FOXJ3: variants seen among roughly 807,000 people sequenced by gnomAD.
The protein encoded by FOXJ3 is forkhead box J3.
A neutral mutation model predicts 76.1 loss-of-function variants in FOXJ3; 22 were observed. The ratio of observed to expected loss-of-function variants is 0.29; its 90% confidence interval spans 0.21 to 0.41. FOXJ3 has a LOEUF of 0.41. Among genes scored for constraint, FOXJ3 ranks in the 10% least tolerant of loss-of-function variants. The probability of loss-of-function intolerance (pLI) is 1.00; values close to 1 mark genes in which losing one functional copy is unlikely to be tolerated. For synonymous variants in FOXJ3, 269 were observed against 261.2 expected (o/e 1.03, Z -0.29); for missense variants, 613 against 762.1 (o/e 0.80, Z 2.30).
intron 1 of FOXJ3, among the ~76,000 whole-genome samples, chr1:42,318,036 A>G (rs1655224663): frequency 6.6e-6 from 1 of 152,212 alleles, no homozygotes; most frequent in South Asian, 2.1e-4. Context: ...TGAATAAACC[A>G]GATTCTTCAA....
At chr1:42,186,576 T>G (rs1302541806) in intron 11 of FOXJ3, among the ~76,000 whole-genome samples, 1 of 151,806 alleles carries the variant, frequency 6.6e-6, no homozygotes, top group Non-Finnish European at 1.5e-5. Context: ...ATAACCAAGG[T>G]CAAGGCTCAA....
intron 5 of FOXJ3, among the ~76,000 whole-genome samples, chr1:42,224,042 A>G (rs925257051): frequency 6.6e-6 from 1 of 152,276 alleles, no homozygotes; most frequent in Admixed American, 6.5e-5. Flanking sequence ...TTTGACACAT[A>G]AATTCAGCAT....
intron 4 of FOXJ3, among the ~76,000 whole-genome samples, chr1:42,254,408 G>A (rs1378956706): frequency 2.3e-4 from 34 of 146,420 alleles, no homozygotes; most frequent in African/African-American, 6.6e-4. Flanking sequence ...TCAGTGTGGC[G>A]ATTCCTCAGG....
intron 12 of FOXJ3, 98 bp from the exon 13 acceptor site, chr1:42,179,923 A>G: frequency 1.3e-6 from 1 of 742,728 alleles, no homozygotes; most frequent in Non-Finnish European, 2.4e-6. Context: ...CCAGGCACAC[A>G]TTATCTCACT....
At chr1:42,197,364 GGA>G (rs1478733840) in intron 7 of FOXJ3, among the ~76,000 whole-genome samples, 2 of 152,052 alleles carry the variant, frequency 1.3e-5, no homozygotes, top group Non-Finnish European at 2.9e-5. Context: ...AAAAAGGGGG[GGA>G]GGTCTGATTT....
intron 7 of FOXJ3, among the ~76,000 whole-genome samples, chr1:42,196,114 G>A (rs908541473): frequency 1.1e-4 from 17 of 152,206 alleles, no homozygotes; most frequent in African/African-American, 3.1e-4. Flanking sequence ...TTATAAAACT[G>A]CTTAGTTGCA....
chr1:42,281,513 G>C (rs1388803343), intron 2 of FOXJ3, among the ~76,000 whole-genome samples: 1 of 152,130 alleles, frequency 6.6e-6, no homozygotes, highest in African/African-American at 2.4e-5. Context: ...ATTCCACTGT[G>C]CTTATATTCA....
intron 11 of FOXJ3, among the ~76,000 whole-genome samples, chr1:42,186,770 C>G (rs1342016182): frequency 6.6e-6 from 1 of 152,294 alleles, no homozygotes; most frequent in Admixed American, 6.5e-5. Flanking sequence ...ACCTTTCTTA[C>G]AGACTTAGGG....
chr1:42,179,899 G>T, intron 12 of FOXJ3, 74 bp from the exon 13 acceptor site: 1 of 907,886 alleles, frequency 1.1e-6, no homozygotes, highest in Non-Finnish European at 1.8e-6. Flanking sequence ...CCCCTACTGT[G>T]TACTTCCTAT....
intron 8 of FOXJ3, among the ~76,000 whole-genome samples, chr1:42,192,159 T>C (rs1299993038): frequency 6.6e-6 from 1 of 152,214 alleles, no homozygotes; most frequent in African/African-American, 2.4e-5. Flanking sequence ...AAGGCTTTGA[T>C]AGAAGACCGC....
chr1:42,194,894 T>A lies in FOXJ3; in HGVS notation c.930A>T (p.Gln310His). The change falls in exon 8 of 13, where the codon CAA becomes CAT. Residue 310 changes from glutamine (Q) to histidine (H), a missense_variant. This residue lies in a region of FOXJ3 where 526 missense variants were observed against 601.4 expected (regional missense o/e 0.87). Coordinates refer to ENST00000361346, the MANE Select transcript of FOXJ3 (RefSeq NM_014947.5). ...YKSVFEQSLS[Q>H]QGLMNIPSES... The stretch of plus-strand genomic sequence containing the variant: ...AAAGATTTTAAGAAAACTCACCTTG[T>A]TGACTAAGTGACTGCTCAAAAACTG... The A allele has an allele frequency of 1.9e-6, 3 of 1,571,668 alleles. No individual in the cohort carries two copies. Among genetic ancestry groups the A allele is most frequent in the Non-Finnish European group, 2.6e-6 (3 of 1,164,618 alleles).
intron 5 of FOXJ3, among the ~76,000 whole-genome samples, chr1:42,223,295 G>C (rs624635): frequency 0.7 from 106,514 of 152,074 alleles, 38,035 homozygotes; most frequent in Admixed American, 0.8. Context: ...TCTTGCAATG[G>C]GTTATGTGAA....
chr1:42,216,895 A>G (rs1244907050), intron 5 of FOXJ3, among the ~76,000 whole-genome samples: 1 of 152,260 alleles, frequency 6.6e-6, no homozygotes, highest in African/African-American at 2.4e-5. Context: ...GAGGTCAAAC[A>G]GAAAACAAAA....
intron 4 of FOXJ3, among the ~76,000 whole-genome samples, chr1:42,245,062 C>T (rs998595476): frequency 6.6e-6 from 1 of 151,254 alleles, no homozygotes; most frequent in African/African-American, 2.4e-5. Flanking sequence ...CGCCTGTAAT[C>T]CCAGCTACTC....
rs1400774580 is a variant in FOXJ3, at chr1:42,311,215, T to C, written c.-17-105A>G. On this transcript the variant is annotated intron_variant, in intron 1 of 12. Transcript: ENST00000361346. ...ACACTCTGAAAACAGAAGTAGAATG[T>C]TCTACTAAAGAATTCTACTAAAAGA... The C allele has an allele frequency of 4.2e-6, 3 of 714,378 alleles. No homozygotes were observed. The Admixed American group carries it at 9.8e-5, about 23-fold the overall frequency. 44.3% of individuals were successfully genotyped at this position (714,378 alleles called of 1,614,324 possible).
At chr1:42,189,153 C>A in intron 10 of FOXJ3, 150 bp downstream of exon 10, 1 of 659,466 alleles carries the variant, frequency 1.5e-6, no homozygotes, top group Non-Finnish European at 2.6e-6. Flanking sequence ...CTCTGCTATA[C>A]CAAGTGGCCA....
At chr1:42,239,690 A>G (rs1035671067) in intron 4 of FOXJ3, among the ~76,000 whole-genome samples, 3 of 152,168 alleles carry the variant, frequency 2.0e-5, no homozygotes, top group African/African-American at 4.8e-5. Context: ...TGGCTTTTGT[A>G]TTTACATTTT....
intron 9 of FOXJ3, 90 bp from the exon 10 acceptor site, chr1:42,189,494 T>C: frequency 2.2e-6 from 2 of 910,120 alleles, no homozygotes; most frequent in East Asian, 2.6e-5. Flanking sequence ...ATTCCTGAAA[T>C]TGGCTGATTC....
intron 1 of FOXJ3, among the ~76,000 whole-genome samples, chr1:42,326,914 G>C (rs1327998957): frequency 2.0e-5 from 3 of 152,118 alleles, no homozygotes; most frequent in Admixed American, 6.6e-5. Flanking sequence ...TGCAGGGTCT[G>C]GGTTCCAGCA....
Sources: allele counts gnomAD v4.1 joint callset (sites outside exome capture counted in the v4.1 genomes callset), GRCh38; gene constraint gnomAD v4.1.1; regional missense constraint gnomAD v4.1.1; transcripts MANE v1.5; gene names NCBI Gene and HGNC (gene_info 2026-07-23, HGNC 2026-07-21).